Variants in ZNF268 observed in about 807,000 individuals in gnomAD.
ZNF268 encodes zinc finger protein 3.
Under a neutral mutation model 29.3 loss-of-function variants are expected in ZNF268, and 20 were observed. The observed-to-expected ratio is 0.68, with a 90% CI of 0.48 to 0.99. The LOEUF is 0.99. Ranked by LOEUF, ZNF268 falls within the 50% of genes least tolerant of loss-of-function variation. The pLI, the probability that ZNF268 is intolerant of heterozygous loss-of-function variation, is 0.00. For synonymous variants in ZNF268, 429 were observed against 376.9 expected (o/e 1.14, Z -1.60); for missense variants, 1,240 against 1,121.6 (o/e 1.11, Z -1.51).
Position 133,206,978 on chromosome 12 carries a change from A to G in ZNF268, c.*2448A>G, listed in dbSNP as rs1418285508. Reference sequence around the variant, plus strand: ...TTAGTTTGTTGTTTTTTCAGATGCAAATCTACATGCAGCCTTGCCTGGTAG... The same window carrying G: ...TTAGTTTGTTGTTTTTTCAGATGCAGATCTACATGCAGCCTTGCCTGGTAG... On this transcript the variant is annotated 3_prime_UTR_variant, in exon 6 of 6. Transcript: ENST00000536435. The G allele has an allele frequency of 2.6e-5, 4 of 152,218 alleles. No homozygotes were observed. The highest frequency in any genetic ancestry group is 9.7e-5 in the African/African-American group (4 of 41,444). 9.4% of individuals were successfully genotyped at this position (152,218 alleles called of 1,614,324 possible).
At position 133,202,406 on chromosome 12, in the gene ZNF268, G is replaced by A. The variant is rs1441258128; in HGVS notation, c.720G>A (p.Glu240=). 6.2e-6 allele frequency: 10 copies of A among 1,610,810 alleles called. No homozygotes were observed. The South Asian group carries it at 1.1e-4, about 18-fold the overall frequency. The change falls in exon 6 of 6, where the codon GAG becomes GAA. Residue 240 remains glutamate (E), a synonymous_variant. Coordinates refer to ENST00000536435, the MANE Select transcript of ZNF268 (RefSeq NM_003415.3). ...HGKSFFHSKH[E]QTVIGIKYCE... is the part of the protein sequence containing the mutation. ...AATCATTCTTCCATTCTAAACATGA[G>A]CAAACTGTTATTGGAATAAAATACT...
At chr12:133,199,843 C>T (rs995680716) in intron 5 of ZNF268, among the ~76,000 whole-genome samples, 4 of 152,176 alleles carry the variant, frequency 2.6e-5, no homozygotes, top group Admixed American at 2.6e-4. Context: ...GTAGCATTCT[C>T]TGATGGTAGT....
At chr12:133,186,185 C>A (rs1956309739) in intron 2 of ZNF268, among the ~76,000 whole-genome samples, 1 of 152,016 alleles carries the variant, frequency 6.6e-6, no homozygotes, top group South Asian at 2.1e-4. Context: ...GGACTTGAAC[C>A]CAGATATTCT....
chr12:133,193,169 T>C (rs1370116148), intron 5 of ZNF268, among the ~76,000 whole-genome samples: 1 of 152,148 alleles, frequency 6.6e-6, no homozygotes, highest in Non-Finnish European at 1.5e-5. Flanking sequence ...GTGTAACTTT[T>C]AAAAGACTTA....
Position 133,202,348 on chromosome 12 carries a change from G to T in ZNF268, c.662G>T (p.Arg221Ile), listed in dbSNP as rs779550814. 2.8e-5 allele frequency: 45 copies of T among 1,611,268 alleles called. No homozygotes were observed. The highest frequency in any genetic ancestry group is 3.6e-5 in the Non-Finnish European group (42 of 1,178,666). ...ATAGATTTCACTAGTGATTATGCTA[G>T]AAATAATCCTAATGGGTTTCAGGTA... ...KYIDFTSDYA[R>I]NNPNGFQVHG... Residue 221 changes from arginine to isoleucine, a missense_variant, in exon 6 of 6, where the codon AGA becomes ATA. By Grantham distance (97) the Arg-to-Ile change is moderately conservative. Coordinates refer to ENST00000536435, the MANE Select transcript of ZNF268 (RefSeq NM_003415.3).
Position 133,209,484 on chromosome 12 carries a change from T to C in ZNF268, c.*4954T>C, listed in dbSNP as rs1956949655. On this transcript the variant is annotated 3_prime_UTR_variant, in exon 6 of 6. Transcript: ENST00000536435. ...ATGAAGTTGCAAGTTTTAACATGTC[T>C]ACTCTTTAATTTTCAACATTGTTTC... 1 of 152,242 alleles carries C rather than the reference T, an allele frequency of 6.6e-6. No homozygotes were observed. Among genetic ancestry groups the C allele is most frequent in the African/African-American group, 2.4e-5 (1 of 41,462 alleles). 9.4% of individuals were successfully genotyped at this position (152,242 alleles called of 1,614,324 possible).
chr12:133,187,779 G>A lies in ZNF268; in HGVS notation c.34-93G>A. On this transcript the variant is annotated intron_variant, in intron 2 of 5. Coordinates refer to ENST00000536435, the MANE Select transcript of ZNF268 (RefSeq NM_003415.3). ...AGTTAAACCTGCCTTGTTTTCTAAC[G>A]TGTTTCTCTCACATTTATGTGATGT... The A allele has an allele frequency of 2.4e-6, 3 of 1,242,152 alleles. No individual in the cohort carries two copies. The East Asian group carries it at 7.7e-5, about 32-fold the overall frequency. The allele number at this position is 1,242,152 out of a possible 1,614,324, so 76.9% of individuals were successfully genotyped here.
rs538138072 is a variant in ZNF268 at position 133,211,208 on chromosome 12, T to TACAAAA, written c.*6679_*6680insCAAAAA. On this transcript the variant is annotated 3_prime_UTR_variant, in exon 6 of 6. Coordinates refer to ENST00000536435, the MANE Select transcript of ZNF268 (RefSeq NM_003415.3). ...TGAAAAAGTGTTTGTATGCAAAATA[T>TACAAAA]AAAAAAAAAACCCTAAAATTGAACA... The TACAAAA allele has an allele frequency of 7.3e-6, 2 of 272,426 alleles. No individual in the cohort carries two copies. The highest frequency in any genetic ancestry group is 6.0e-5 in the African/African-American group (2 of 33,352). 16.9% of individuals were successfully genotyped at this position (272,426 alleles called of 1,614,324 possible).
chr12:133,181,991 C>T lies in ZNF268; in HGVS notation c.-7C>T, dbSNP rs370286826. On this transcript the variant is annotated 5_prime_UTR_variant, in exon 2 of 6. Transcript: ENST00000536435. ...TTCCAGCGAGGCACACAAAACTGACCGTAGGGATGGCCACCAGGGTCCGGA... is the reference window on the plus strand; with the variant it reads ...TTCCAGCGAGGCACACAAAACTGACTGTAGGGATGGCCACCAGGGTCCGGA... 4 of 1,564,692 alleles carry T rather than the reference C, an allele frequency of 2.6e-6. No homozygotes were observed. Among genetic ancestry groups the T allele is most frequent in the African/African-American group, 2.7e-5 (2 of 73,740 alleles).
chr12:133,190,468 A>G (rs891812992), intron 3 of ZNF268, among the ~76,000 whole-genome samples: 1 of 152,162 alleles, frequency 6.6e-6, no homozygotes, highest in Admixed American at 6.5e-5. Flanking sequence ...TTTGGTGGTC[A>G]GTTTTTTGGA....
chr12:133,192,107 CT>C (rs200581552), intron 5 of ZNF268, 104 bp downstream of exon 5: 76,830 of 528,230 alleles, frequency 0.15, 1,536 homozygotes, highest in African/African-American at 0.3. Context: ...TTACCATGCA[CT>C]TTTTTTTTTT....
rs534300830 is a variant in ZNF268 at position 133,185,183 on chromosome 12, C to CAA, written c.34-2673_34-2672dup. Among the ~76,000 whole-genome samples the CAA allele has an allele frequency of 2.3e-3, 203 of 87,926 alleles. 1 individual carries two copies. Among genetic ancestry groups the CAA allele is most frequent in the Non-Finnish European group, 3.4e-3 (145 of 43,230 alleles). 57.7% of individuals were successfully genotyped at this position (87,926 alleles called of 152,430 possible). On this transcript the variant is annotated intron_variant, in intron 2 of 5. Coordinates refer to ENST00000536435, the MANE Select transcript of ZNF268 (RefSeq NM_003415.3). ...CTGGCGACAGAGTGAGACTCTGTCT[C>CAA]AAAAAAAAAAAAAAAAACAAAGAAT... is the stretch of plus-strand genomic sequence containing the variant.
rs1566387251 is a variant in ZNF268, at chr12:133,204,229, A to C, written c.2543A>C (p.Lys848Thr). ...CAATGTGAGAAATCCTTCAGTGGGAAATTACGCCTTCTTGTACACCAGAGA... is the reference window on the plus strand; with the variant it reads ...CAATGTGAGAAATCCTTCAGTGGGACATTACGCCTTCTTGTACACCAGAGA... ...CSQCEKSFSG[K>T]LRLLVHQRMH... Residue 848 changes from lysine to threonine, a missense_variant, in exon 6 of 6, where the codon AAA becomes ACA. Around this residue, in one of 3 missense-constraint regions of ZNF268, gnomAD observed 1,177 missense variants for 1,039.6 expected, o/e 1.13. Transcript: ENST00000536435. 6.5e-7 allele frequency: 1 copy of C among 1,542,044 alleles called. No individual in the cohort carries two copies. The highest frequency in any genetic ancestry group is 8.7e-7 in the Non-Finnish European group (1 of 1,148,020).
chr12:133,191,878 C>G (rs1477441007), intron 4 of ZNF268, 30 bp from the exon 5 acceptor site: 6 of 1,603,014 alleles, frequency 3.7e-6, no homozygotes, highest in Non-Finnish European at 4.3e-6. Flanking sequence ...GCTGTTTGTT[C>G]CAGGTTGTCT....
intron 3 of ZNF268, among the ~76,000 whole-genome samples, chr12:133,189,104 T>G (rs1015988855): frequency 5.3e-5 from 8 of 152,290 alleles, no homozygotes; most frequent in African/African-American, 1.9e-4. Flanking sequence ...TTTTTAAAAG[T>G]CAATGTTTAT....
At chr12:133,192,866 A>G (rs116595989) in intron 5 of ZNF268, among the ~76,000 whole-genome samples, 2,312 of 152,194 alleles carry the variant, frequency 0.015, 61 homozygotes, top group African/African-American at 0.053. Flanking sequence ...TCACCACATT[A>G]GACAGGATGG....
At position 133,204,024 on chromosome 12, in the gene ZNF268, T is replaced by C. The variant is rs1956831424; in HGVS notation, c.2338T>C (p.Tyr780His). ...GCGAACTCATGCAGGGGAAAAGCCT[T>C]ATGGGTGCAGTGAATGTGGGAAAGC... ...HQRTHAGEKP[Y>H]GCSECGKAFS... Residue 780 changes from tyrosine to histidine, a missense_variant, in exon 6 of 6, where the codon TAT becomes CAT. By Grantham distance (83) the Tyr-to-His change is moderately conservative. Coordinates refer to ENST00000536435, the MANE Select transcript of ZNF268 (RefSeq NM_003415.3). 2.5e-6 allele frequency: 4 copies of C among 1,574,690 alleles called. No homozygotes were observed. Among genetic ancestry groups the C allele is most frequent in the Non-Finnish European group, 3.4e-6 (4 of 1,163,056 alleles).
chr12:133,182,140 CT>C, intron 2 of ZNF268, 110 bp downstream of exon 2: 3 of 1,053,076 alleles, frequency 2.8e-6, no homozygotes, highest in East Asian at 2.7e-5. Flanking sequence ...CCCCACCGCT[CT>C]TTTAGGCAAC....
intron 2 of ZNF268, among the ~76,000 whole-genome samples, chr12:133,185,486 G>C (rs1956289120): frequency 6.7e-6 from 1 of 149,964 alleles, no homozygotes; most frequent in Non-Finnish European, 1.5e-5. Flanking sequence ...AGAGAGGAGA[G>C]CAGATGAACA....
Sources: gnomAD v4.1 joint callset for allele counts (sites outside exome capture counted in the v4.1 genomes callset) on GRCh38, gnomAD v4.1.1 for gene constraint, gnomAD v4.1.1 regional missense constraint, MANE v1.5 for transcripts, NCBI Gene and HGNC (gene_info 2026-07-23, HGNC 2026-07-21) for gene names.